The following FSTL5 variants were observed in gnomAD, a reference collection of about 807,000 sequenced individuals.
The protein encoded by FSTL5 is follistatin like 5.
A neutral mutation model predicts 89.1 loss-of-function variants in FSTL5; 62 were observed. The observed-to-expected ratio is 0.70, with a 90% confidence interval of 0.57 to 0.86. The LOEUF (loss-of-function observed/expected upper bound fraction) is 0.86. Among genes scored for constraint, FSTL5 ranks in the 40% least tolerant of loss-of-function variants. The pLI is 0.00. For synonymous variants in FSTL5, 383 were observed against 346.2 expected (o/e 1.11, Z -1.18); for missense variants, 1,057 against 1,001.6 (o/e 1.06, Z -0.75).
intron 7 of FSTL5, among the ~76,000 whole-genome samples, chr4:161,609,396 T>C (rs914968994): frequency 2.0e-5 from 3 of 152,150 alleles, no homozygotes; most frequent in African/African-American, 4.8e-5. Flanking sequence ...AACACCTCCA[T>C]AGATGTGTGT....
intron 4 of FSTL5, among the ~76,000 whole-genome samples, chr4:161,877,997 T>TC (rs1732503900): frequency 1.4e-4 from 1 of 7,298 alleles, no homozygotes; most frequent in South Asian, 7.9e-3. Flanking sequence ...ATTAAAAATC[T>TC]TTTTTTTACT....
intron 4 of FSTL5, among the ~76,000 whole-genome samples, chr4:161,785,832 A>T (rs1016258474): frequency 6.6e-6 from 1 of 152,112 alleles, no homozygotes; most frequent in Non-Finnish European, 1.5e-5. Context: ...CATGTTTATG[A>T]ACATAATTAT....
At chr4:162,078,073 C>T (rs1729941011) in intron 2 of FSTL5, among the ~76,000 whole-genome samples, 1 of 151,772 alleles carries the variant, frequency 6.6e-6, no homozygotes, top group Admixed American at 6.6e-5. Flanking sequence ...AGCATCTGTA[C>T]ATAGATGGAC....
intron 3 of FSTL5, among the ~76,000 whole-genome samples, chr4:161,943,927 T>C (rs1734666522): frequency 6.6e-6 from 1 of 152,178 alleles, no homozygotes; most frequent in South Asian, 2.1e-4. Context: ...GACAAATTGT[T>C]GGCTTCCTTT....
chr4:162,027,219 G>GT (rs1737328142), intron 3 of FSTL5, among the ~76,000 whole-genome samples: 1 of 152,010 alleles, frequency 6.6e-6, no homozygotes, highest in South Asian at 2.1e-4. Context: ...ATTTCAATGA[G>GT]TTTTTTAAAG....
intron 12 of FSTL5, chr4:161,495,431 A>G (rs1730033774): frequency 6.6e-6 from 1 of 152,094 alleles, no homozygotes; most frequent in Non-Finnish European, 1.5e-5. Context: ...ATAGAATTCT[A>G]TTTGCTTGAA....
chr4:161,433,857 G>T (rs768538169), intron 15 of FSTL5, among the ~76,000 whole-genome samples: 3 of 151,818 alleles, frequency 2.0e-5, no homozygotes, highest in Non-Finnish European at 4.4e-5. Context: ...AGAAATGAAA[G>T]ATCTCAACAA....
At chr4:161,919,287 A>T (rs1300841525) in intron 4 of FSTL5, among the ~76,000 whole-genome samples, 1 of 152,202 alleles carries the variant, frequency 6.6e-6, no homozygotes, top group Non-Finnish European at 1.5e-5. Flanking sequence ...CACACAGTAC[A>T]CTATGGTAAG....
At position 161,386,332 on chromosome 4, in the gene FSTL5, T is replaced by C. The variant is rs200636838; in HGVS notation, c.1959A>G (p.Ala653=). The C allele has an allele frequency of 1.5e-5, 24 of 1,613,996 alleles. No homozygotes were observed. The African/African-American group carries it at 2.8e-4, about 19-fold the overall frequency. ...KDYKCVPQSL[A]YTHLGGYYFI... is the part of the protein sequence containing the mutation. ...AGTAGTAGCCTCCCAAGTGTGTATA[T>C]GCCAATGACTGAGGAACGCACTTAT... The change falls in exon 16 of 16, where the codon GCA becomes GCG. Residue 653 remains alanine, a synonymous_variant. Transcript: ENST00000306100.
At chr4:161,619,395 G>C (rs892784395) in intron 7 of FSTL5, among the ~76,000 whole-genome samples, 4 of 152,116 alleles carry the variant, frequency 2.6e-5, no homozygotes, top group Non-Finnish European at 5.9e-5. Flanking sequence ...CCATCAGAGT[G>C]AACAGGCAAC....
intron 2 of FSTL5, among the ~76,000 whole-genome samples, chr4:162,103,918 G>A (rs181606727): frequency 3.9e-5 from 6 of 152,310 alleles, no homozygotes; most frequent in East Asian, 3.9e-4. Context: ...GACAAGGATC[G>A]GGATATAAAC....
intron 4 of FSTL5, among the ~76,000 whole-genome samples, chr4:161,780,585 T>C (rs773438056): frequency 1.9e-4 from 29 of 152,216 alleles, no homozygotes; most frequent in Non-Finnish European, 4.0e-4. Flanking sequence ...TCACTAGGGC[T>C]GTGCTGACCT....
chr4:161,523,121 T>C (rs1446913072), intron 10 of FSTL5, among the ~76,000 whole-genome samples: 1 of 152,168 alleles, frequency 6.6e-6, no homozygotes, highest in Admixed American at 6.5e-5. Flanking sequence ...TTAATTTCTA[T>C]AATAGCTTAA....
chr4:161,506,540 A>G (rs937575196), intron 11 of FSTL5, among the ~76,000 whole-genome samples: 13 of 152,150 alleles, frequency 8.5e-5, no homozygotes, highest in African/African-American at 3.1e-4. Flanking sequence ...AGCAGTATAC[A>G]CTGAACCCAG....
intron 2 of FSTL5, among the ~76,000 whole-genome samples, chr4:162,072,732 A>G (rs1729679654): frequency 6.6e-6 from 1 of 151,878 alleles, no homozygotes. Flanking sequence ...TGACTGGGTC[A>G]CATGGTGCCA....
intron 7 of FSTL5, among the ~76,000 whole-genome samples, chr4:161,647,499 G>C (rs1736192431): frequency 6.7e-6 from 1 of 149,848 alleles, no homozygotes; most frequent in South Asian, 2.1e-4. Flanking sequence ...TAAATTTCAG[G>C]ATTGTTGCTT....
In FSTL5 at chr4:161,656,383, A is replaced by G. The variant is rs200072597; in HGVS notation, c.839T>C (p.Ile280Thr). 1.2e-6 allele frequency: 2 copies of G among 1,606,842 alleles called. No individual in the cohort carries two copies. The highest frequency in any genetic ancestry group is 2.7e-5 in the African/African-American group (2 of 74,836). Reference protein sequence around the residue: ...CAIQGTLRPPIIWKRNNIILN... With the variant: ...CAIQGTLRPPTIWKRNNIILN... ...AATAATATTGTTCCTTTTCCAGATA[A>G]TGGGAGGTCTCAGGGTTCCTTGAAT... Residue 280 changes from isoleucine to threonine, a missense_variant, in exon 7 of 16, where the codon ATT becomes ACT. Transcript: ENST00000306100.
chr4:161,656,609 G>A (rs1479268282), intron 6 of FSTL5, 115 bp from the exon 7 acceptor site: 2 of 548,568 alleles, frequency 3.6e-6, no homozygotes, highest in Non-Finnish European at 5.7e-6. Context: ...AGGGAAAAAA[G>A]CTTGTGATGA....
At chr4:161,831,437 G>T (rs921899983) in intron 4 of FSTL5, among the ~76,000 whole-genome samples, 5 of 151,544 alleles carry the variant, frequency 3.3e-5, no homozygotes, top group Admixed American at 1.3e-4. Context: ...GCATTTTTGT[G>T]GCATTTTTGA....
Sources: gnomAD v4.1 joint callset for allele counts (sites outside exome capture counted in the v4.1 genomes callset) on GRCh38, gnomAD v4.1.1 for gene constraint, MANE v1.5 for transcripts, NCBI Gene and HGNC (gene_info 2026-07-23, HGNC 2026-07-21) for gene names.